Variants in DOK6 observed in about 807,000 individuals in gnomAD.
DOK6 encodes docking protein 6, also known as downstream of tyrosine kinase 6.
Under a neutral mutation model 44.0 loss-of-function variants are expected in DOK6, and 22 were observed. The observed-to-expected ratio is 0.50, with a 90% confidence interval of 0.36 to 0.71. The LOEUF is 0.71. Ranked by LOEUF, DOK6 falls within the 30% of genes least tolerant of loss-of-function variation. DOK6 has a pLI of 0.00. For synonymous variants in DOK6, 166 were observed against 145.5 expected, an observed-to-expected ratio of 1.14 and a Z score of -1.01; for missense variants, 340 against 416.4, an observed-to-expected ratio of 0.82 and a Z score of 1.60.
intron 1 of DOK6, among the ~76,000 whole-genome samples, chr18:69,514,877 T>G (rs1981476082): frequency 6.6e-6 from 1 of 151,814 alleles, no homozygotes; most frequent in Non-Finnish European, 1.5e-5. Flanking sequence ...TGCTATGGGC[T>G]TTGCAGGCAT....
chr18:69,478,545 G>T (rs76555297), intron 1 of DOK6, among the ~76,000 whole-genome samples: 129 of 152,172 alleles, frequency 8.5e-4, no homozygotes, highest in African/African-American at 3.1e-3. Context: ...AACCTCCTCA[G>T]TCAATTTGAT....
At chr18:69,798,697 T>C (rs1980818230) in intron 7 of DOK6, among the ~76,000 whole-genome samples, 1 of 151,850 alleles carries the variant, frequency 6.6e-6, no homozygotes. Flanking sequence ...TTTTAGAATC[T>C]CTTAAATAAA....
intron 5 of DOK6, among the ~76,000 whole-genome samples, chr18:69,733,959 A>C (rs1978507804): frequency 6.6e-6 from 1 of 152,166 alleles, no homozygotes; most frequent in Non-Finnish European, 1.5e-5. Context: ...AATAATAGAT[A>C]TCAAAAGATA....
intron 1 of DOK6, among the ~76,000 whole-genome samples, chr18:69,542,719 A>G (rs771308077): frequency 4.0e-5 from 6 of 151,390 alleles, no homozygotes; most frequent in Non-Finnish European, 8.9e-5. Context: ...TTTCATTTCA[A>G]GGGAGCTTTG....
At chr18:69,430,909 T>C (rs1008524282) in intron 1 of DOK6, among the ~76,000 whole-genome samples, 1 of 152,166 alleles carries the variant, frequency 6.6e-6, no homozygotes, top group Non-Finnish European at 1.5e-5. Context: ...GAGGTTGCAG[T>C]GAGCTGAGAT....
intron 4 of DOK6, among the ~76,000 whole-genome samples, chr18:69,681,153 T>C (rs1375925727): frequency 6.6e-6 from 1 of 152,224 alleles, no homozygotes; most frequent in African/African-American, 2.4e-5. Flanking sequence ...TGTGCTTGGA[T>C]AGTTTGAACT....
intron 7 of DOK6, among the ~76,000 whole-genome samples, chr18:69,830,305 T>C (rs1981865410): frequency 6.6e-6 from 1 of 152,160 alleles, no homozygotes. Flanking sequence ...AATACATAGG[T>C]TGACTCCCTA....
intron 1 of DOK6, among the ~76,000 whole-genome samples, chr18:69,476,359 C>G (rs2144526461): frequency 6.6e-6 from 1 of 152,202 alleles, no homozygotes; most frequent in South Asian, 2.1e-4. Flanking sequence ...TTCCTACGCT[C>G]TTTGTCTAAT....
chr18:69,403,314 A>G (rs1916137989), intron 1 of DOK6, among the ~76,000 whole-genome samples: 2 of 152,174 alleles, frequency 1.3e-5, no homozygotes, highest in African/African-American at 2.4e-5. Context: ...ATGTAACCCA[A>G]TTATAACATA....
chr18:69,802,678 C>T (rs1980937444), intron 7 of DOK6, among the ~76,000 whole-genome samples: 1 of 152,074 alleles, frequency 6.6e-6, no homozygotes, highest in Non-Finnish European at 1.5e-5. Flanking sequence ...CTGTCATGGC[C>T]TCCCTGTCTT....
At chr18:69,485,883 G>A (rs902531029) in intron 1 of DOK6, among the ~76,000 whole-genome samples, 63 of 148,908 alleles carry the variant, frequency 4.2e-4, no homozygotes, top group African/African-American at 1.0e-3. Flanking sequence ...ACGTATATAT[G>A]TGTGTGTGTG....
In DOK6 at chr18:69,847,212, A is replaced by C. The variant is rs1982364198; in HGVS notation, c.*5829A>C. The C allele has an allele frequency of 6.6e-6, 1 of 152,046 alleles. No homozygotes were observed. Among genetic ancestry groups the C allele is most frequent in the African/African-American group, 2.4e-5 (1 of 41,402 alleles). The allele number at this position is 152,046 out of a possible 1,614,324, so 9.4% of individuals were successfully genotyped here. On this transcript the variant is annotated 3_prime_UTR_variant, in exon 8 of 8. Transcript: ENST00000382713. Reference sequence around the variant, plus strand: ...TTGTCAGAAGAATGAATGGATTTAAATTTTCTAATCATTATTTTGGGCCCA... The same window carrying C: ...TTGTCAGAAGAATGAATGGATTTAACTTTTCTAATCATTATTTTGGGCCCA...
At chr18:69,768,950 T>TGC (rs1979803831) in intron 7 of DOK6, among the ~76,000 whole-genome samples, 1 of 138,102 alleles carries the variant, frequency 7.2e-6, no homozygotes, top group Non-Finnish European at 1.6e-5. Context: ...ATTTGAAGGG[T>TGC]GTGCGTGTGT....
chr18:69,734,912 CA>C (rs1383968536), intron 5 of DOK6, among the ~76,000 whole-genome samples: 3 of 151,958 alleles, frequency 2.0e-5, no homozygotes, highest in Non-Finnish European at 2.9e-5. Context: ...CATAGAGAGC[CA>C]AGTTTGAGAG....
chr18:69,596,596 AG>A (rs1175385525), intron 2 of DOK6, among the ~76,000 whole-genome samples: 1 of 119,146 alleles, frequency 8.4e-6, no homozygotes, highest in East Asian at 2.9e-4. Context: ...AAGTGCTTAA[AG>A]GGGGAAAAAA....
intron 6 of DOK6, among the ~76,000 whole-genome samples, chr18:69,756,806 C>T (rs1311963773): frequency 6.6e-6 from 1 of 152,154 alleles, no homozygotes; most frequent in African/African-American, 2.4e-5. Context: ...CTAGATTTGA[C>T]AGAGATGATC....
At chr18:69,422,783 C>A (rs1978529082) in intron 1 of DOK6, among the ~76,000 whole-genome samples, 1 of 152,166 alleles carries the variant, frequency 6.6e-6, no homozygotes, top group Non-Finnish European at 1.5e-5. Context: ...TGGTTTGAAA[C>A]ATAATTATTC....
At chr18:69,616,746 T>A (rs552313384) in intron 3 of DOK6, among the ~76,000 whole-genome samples, 1 of 152,344 alleles carries the variant, frequency 6.6e-6, no homozygotes, top group African/African-American at 2.4e-5. Context: ...CTGTCTCACT[T>A]CCAAGTTTTA....
intron 7 of DOK6, among the ~76,000 whole-genome samples, chr18:69,787,684 C>T (rs987453851): frequency 4.6e-5 from 7 of 152,048 alleles, no homozygotes; most frequent in Non-Finnish European, 8.8e-5. Context: ...TGCTAAACAA[C>T]CTCAAAGTTA....
Sources: allele counts gnomAD v4.1 joint callset (sites outside exome capture counted in the v4.1 genomes callset), GRCh38; gene constraint gnomAD v4.1.1; transcripts MANE v1.5; gene names NCBI Gene and HGNC (gene_info 2026-07-23, HGNC 2026-07-21).